EYA3: variants seen among roughly 807,000 people sequenced by gnomAD.
The protein encoded by EYA3 is EYA transcriptional coactivator and phosphatase 3, also known as protein phosphatase EYA3.
A neutral mutation model predicts 80.0 loss-of-function variants in EYA3; 39 were observed. That is an observed-to-expected ratio of 0.49 (90% confidence interval 0.38 to 0.64). The LOEUF is 0.64. EYA3 is among the 30% of genes least tolerant of loss of function. The pLI is 0.00. For missense variants in EYA3, 523 were observed against 676.1 expected (o/e 0.77, Z 2.51); for synonymous variants, 206 against 232.8 (o/e 0.88, Z 1.05).
chr1:28,065,533 T>A (rs902256311), intron 1 of EYA3, among the ~76,000 whole-genome samples: 5 of 151,096 alleles, frequency 3.3e-5, no homozygotes, highest in African/African-American at 1.2e-4. Context: ...AGTGCTGGGA[T>A]TACAGGTGTG....
At chr1:28,081,296 G>A (rs1645420772) in intron 1 of EYA3, among the ~76,000 whole-genome samples, 1 of 152,126 alleles carries the variant, frequency 6.6e-6, no homozygotes, top group Non-Finnish European at 1.5e-5. Flanking sequence ...TGAAGCTCTA[G>A]TTCTCACTCT....
intron 7 of EYA3, among the ~76,000 whole-genome samples, chr1:28,023,769 T>C (rs1399048972): frequency 6.6e-6 from 1 of 152,174 alleles, no homozygotes; most frequent in Non-Finnish European, 1.5e-5. Flanking sequence ...ACAGGAAATC[T>C]GAATAAACAA....
rs557373833 is a variant in EYA3 at position 27,980,843 on chromosome 1, A to G, written c.1541-2369T>C. On this transcript the variant is annotated intron_variant, in intron 16 of 17. Coordinates refer to ENST00000373871, the MANE Select transcript of EYA3 (RefSeq NM_001990.4). ...TACTTGAGCACAAGAGTTTGAGATT[A>G]GCTTGGGCAACACAGTGGGACCTTT... Among the ~76,000 whole-genome samples, 545 of 152,326 alleles carry G rather than the reference A, an allele frequency of 3.6e-3. 2 individuals carry two copies. Among genetic ancestry groups the G allele is most frequent in the Non-Finnish European group, 6.1e-3 (415 of 68,032 alleles).
intron 16 of EYA3, among the ~76,000 whole-genome samples, chr1:27,982,731 G>A (rs982070712): frequency 6.6e-6 from 1 of 151,912 alleles, no homozygotes; most frequent in African/African-American, 2.4e-5. Context: ...GATTACAGGC[G>A]CACACCACCA....
chr1:28,063,336 G>T (rs2148911104), intron 1 of EYA3, among the ~76,000 whole-genome samples: 2 of 148,816 alleles, frequency 1.3e-5, no homozygotes, highest in South Asian at 4.2e-4. Context: ...TTTTTGGGGG[G>T]GGAAATAACT....
intron 1 of EYA3, among the ~76,000 whole-genome samples, chr1:28,065,971 T>C (rs1273565236): frequency 6.6e-6 from 1 of 151,322 alleles, no homozygotes; most frequent in Non-Finnish European, 1.5e-5. Flanking sequence ...ATCACGCCAT[T>C]GCACTCCAGC....
At chr1:27,974,981 C>A (rs1638864397) in intron 17 of EYA3, among the ~76,000 whole-genome samples, 1 of 152,010 alleles carries the variant, frequency 6.6e-6, no homozygotes, top group Non-Finnish European at 1.5e-5. Context: ...AATAAAATGG[C>A]CCAGGTGAAA....
rs562297385 is a variant in EYA3 at position 28,033,038 on chromosome 1, C to T, written c.361+2506G>A. Among the ~76,000 whole-genome samples, 243 of 152,122 alleles carry T rather than the reference C, an allele frequency of 1.6e-3. 1 individual carries two copies. The highest frequency in any genetic ancestry group is 5.0e-3 in the African/African-American group (208 of 41,506). On this transcript the variant is annotated intron_variant, in intron 6 of 17. Coordinates refer to ENST00000373871, the MANE Select transcript of EYA3 (RefSeq NM_001990.4). Reference sequence around the variant, plus strand: ...GATTACATGAGACAATACTATACAGCGTGAAATACTTATTCTTAGTATACA... The same window carrying T: ...GATTACATGAGACAATACTATACAGTGTGAAATACTTATTCTTAGTATACA...
chr1:28,084,556 AATATATATATATATATATATATATATAT>A, intron 1 of EYA3, among the ~76,000 whole-genome samples: 1 of 32,726 alleles, frequency 3.1e-5, no homozygotes, highest in East Asian at 8.7e-4. Context: ...ACTATTCCAA[AATATATATATATATATATATATATATAT>A]ATATATATAT....
chr1:28,002,205 G>A (rs971280084), intron 11 of EYA3, among the ~76,000 whole-genome samples: 61 of 151,540 alleles, frequency 4.0e-4, no homozygotes, highest in Middle Eastern at 3.4e-3. Context: ...GTGAGCCACC[G>A]CACCCGGCAA....
At chr1:28,077,773 G>C (rs1174318761) in intron 1 of EYA3, among the ~76,000 whole-genome samples, 2 of 152,134 alleles carry the variant, frequency 1.3e-5, no homozygotes, top group Non-Finnish European at 2.9e-5. Context: ...TAAAATTTCT[G>C]AGAATCACAA....
chr1:27,987,512 CAGA>C, intron 16 of EYA3, among the ~76,000 whole-genome samples: 1 of 152,240 alleles, frequency 6.6e-6, no homozygotes, highest in East Asian at 1.9e-4. Flanking sequence ...GATATTTACG[CAGA>C]AGATTACCCA....
chr1:28,081,814 T>C (rs891284903), intron 1 of EYA3, among the ~76,000 whole-genome samples: 1 of 152,208 alleles, frequency 6.6e-6, no homozygotes, highest in African/African-American at 2.4e-5. Context: ...TGATAGCAAC[T>C]ACCTACCAAT....
intron 9 of EYA3, among the ~76,000 whole-genome samples, chr1:28,011,701 CAACA>C (rs1571793894): frequency 1.3e-5 from 2 of 152,118 alleles, no homozygotes; most frequent in East Asian, 3.9e-4. Flanking sequence ...CCAGTTTCTT[CAACA>C]AACAAACTAC....
At chr1:28,049,503 T>C (rs1414443306) in intron 2 of EYA3, among the ~76,000 whole-genome samples, 1 of 152,186 alleles carries the variant, frequency 6.6e-6, no homozygotes, top group Non-Finnish European at 1.5e-5. Context: ...AAATCCTGAT[T>C]AAGCATGACA....
At chr1:28,066,351 AAC>A (rs1420789816) in intron 1 of EYA3, among the ~76,000 whole-genome samples, 7 of 152,198 alleles carry the variant, frequency 4.6e-5, no homozygotes, top group Non-Finnish European at 8.8e-5. Flanking sequence ...AAATGGTTAA[AAC>A]AGTTAATTTT....
chr1:27,996,974 G>A (rs531566179), intron 13 of EYA3, among the ~76,000 whole-genome samples: 3 of 152,064 alleles, frequency 2.0e-5, no homozygotes, highest in Non-Finnish European at 4.4e-5. Flanking sequence ...CTCCTGCCTC[G>A]CGCTTCTAAG....
At chr1:27,985,256 A>C (rs1222270617) in intron 16 of EYA3, among the ~76,000 whole-genome samples, 7 of 131,096 alleles carry the variant, frequency 5.3e-5, no homozygotes, top group South Asian at 2.7e-4. Flanking sequence ...TAAAAAACAA[A>C]AAAAACAAAA....
rs531473015 is a variant in EYA3, at chr1:27,993,942, C to T, written c.1143-382G>A. ...ATTGCAACTATGTAAAAAGGAGAAA[C>T]ATGAAAAAATAATGAAAGGAAATAG... On this transcript the variant is annotated intron_variant, in intron 13 of 17. Coordinates refer to ENST00000373871, the MANE Select transcript of EYA3 (RefSeq NM_001990.4). Among the ~76,000 whole-genome samples, 34 of 152,174 alleles carry T rather than the reference C, an allele frequency of 2.2e-4. 1 individual carries two copies. The highest frequency in any genetic ancestry group is 8.2e-4 in the African/African-American group (34 of 41,536).
Sources: gnomAD v4.1 joint callset for allele counts (sites outside exome capture counted in the v4.1 genomes callset) on GRCh38, gnomAD v4.1.1 for gene constraint, MANE v1.5 for transcripts, NCBI Gene and HGNC (gene_info 2026-07-23, HGNC 2026-07-21) for gene names.